The following PDHX variants were observed in gnomAD, a reference collection of about 807,000 sequenced individuals.
PDHX encodes pyruvate dehydrogenase complex component X, also known as pyruvate dehydrogenase protein X component, mitochondrial.
Under a neutral mutation model 55.3 loss-of-function variants are expected in PDHX, and 33 were observed. The observed-to-expected ratio is 0.60, with a 90% CI of 0.45 to 0.80. The LOEUF (loss-of-function observed/expected upper bound fraction) is 0.80. Ranked by LOEUF, PDHX falls within the 30% of genes least tolerant of loss-of-function variation. The pLI, the probability that PDHX is intolerant of heterozygous loss-of-function variation, is 0.00. For missense variants in PDHX, 622 were observed against 619.9 expected, an observed-to-expected ratio of 1.00 and a Z score of -0.04; for synonymous variants, 226 against 219.4, an observed-to-expected ratio of 1.03 and a Z score of -0.27.
intron 4 of PDHX, 133 bp from the exon 5 acceptor site, chr11:34,960,287 C>A: frequency 1.6e-6 from 1 of 640,146 alleles, no homozygotes; most frequent in Non-Finnish European, 2.9e-6. Context: ...TTGACTGTGA[C>A]CATCTGTGGG....
rs367612762 is a variant in PDHX at position 34,969,002 on chromosome 11, C to T, written c.817-1137C>T. Among the ~76,000 whole-genome samples, 6 of 152,162 alleles carry T rather than the reference C, an allele frequency of 3.9e-5. No homozygotes were observed. In the South Asian group the frequency reaches 1.0e-3, roughly 26 times the overall value. ...GATACACATTCAGTAGAAAGCAGTG[C>T]AGTATTTCCTTGCAATGCTGGGCAG... On this transcript the variant is annotated intron_variant, in intron 6 of 10. Coordinates refer to ENST00000227868, the MANE Select transcript of PDHX (RefSeq NM_003477.3).
intron 1 of PDHX, among the ~76,000 whole-genome samples, chr11:34,921,887 A>G (rs982902259): frequency 6.6e-6 from 1 of 152,190 alleles, no homozygotes; most frequent in Admixed American, 6.5e-5. Context: ...AGCTCTCACT[A>G]TATTTGCATT....
In PDHX at chr11:34,931,400, TC is replaced by T. The variant is rs748799187; in HGVS notation, c.161-3del. 1.3e-5 allele frequency: 20 copies of T among 1,558,380 alleles called. No homozygotes were observed. The highest frequency in any genetic ancestry group is 1.7e-5 in the Non-Finnish European group (19 of 1,130,528). On this transcript the variant is annotated splice_polypyrimidine_tract_variant and splice_region_variant and intron_variant, in intron 1 of 10. Coordinates refer to ENST00000227868, the MANE Select transcript of PDHX (RefSeq NM_003477.3). ...GGCTCATCTTTCCTTTTTTTCAATT[TC>T]AGGTGATCCCATTAAGATACTAATG...
intron 9 of PDHX, among the ~76,000 whole-genome samples, chr11:34,988,377 T>C (rs1855695096): frequency 1.3e-5 from 2 of 151,842 alleles, no homozygotes; most frequent in Admixed American, 1.3e-4. Context: ...AAAAGAGAGG[T>C]TAAATAATTT....
At chr11:34,930,164 A>G (rs1280484419) in intron 1 of PDHX, among the ~76,000 whole-genome samples, 1 of 152,150 alleles carries the variant, frequency 6.6e-6, no homozygotes, top group Non-Finnish European at 1.5e-5. Context: ...CTGATAGGAA[A>G]CTGCAGGTTG....
At chr11:34,966,520 T>C in intron 5 of PDHX, 120 bp from the exon 6 acceptor site, 1 of 944,116 alleles carries the variant, frequency 1.1e-6, no homozygotes, top group Non-Finnish European at 1.7e-6. Flanking sequence ...TGGTTTTTAA[T>C]TATAACCTTG....
chr11:34,930,675 G>A (rs371182447), intron 1 of PDHX, among the ~76,000 whole-genome samples: 5 of 152,104 alleles, frequency 3.3e-5, no homozygotes, highest in African/African-American at 1.2e-4. Flanking sequence ...AAGTGCAGCC[G>A]GACAAATACA....
chr11:34,963,951 GGTAA>G (rs1855075546), intron 5 of PDHX, among the ~76,000 whole-genome samples: 1 of 152,160 alleles, frequency 6.6e-6, no homozygotes, highest in African/African-American at 2.4e-5. Context: ...TCAAAAATTA[GGTAA>G]GTATGACAGG....
chr11:34,937,123 A>G (rs1163288073), intron 2 of PDHX, among the ~76,000 whole-genome samples: 1 of 152,100 alleles, frequency 6.6e-6, no homozygotes, highest in Non-Finnish European at 1.5e-5. Context: ...CCCTATTAGT[A>G]GCATTGCGTT....
At position 34,919,227 on chromosome 11, in the gene PDHX, G is replaced by C. The variant is rs185226862; in HGVS notation, c.160+2412G>C. On this transcript the variant is annotated intron_variant, in intron 1 of 10. Coordinates refer to ENST00000227868, the MANE Select transcript of PDHX (RefSeq NM_003477.3). ...GACTTTCACCTACATACAGATTTTT[G>C]TTTTGCCATGCCGAAAACACGTGGC... Among the ~76,000 whole-genome samples the C allele has an allele frequency of 2.5e-4, 38 of 152,200 alleles. 1 individual carries two copies. The highest frequency in any genetic ancestry group is 8.4e-4 in the African/African-American group (35 of 41,524).
At chr11:34,930,060 G>C (rs1422747367) in intron 1 of PDHX, among the ~76,000 whole-genome samples, 2 of 152,222 alleles carry the variant, frequency 1.3e-5, no homozygotes, top group African/African-American at 4.8e-5. Context: ...CCTCATACCT[G>C]GTGGGCCCTG....
chr11:34,917,330 C>T (rs1407499733), intron 1 of PDHX, among the ~76,000 whole-genome samples: 1 of 152,172 alleles, frequency 6.6e-6, no homozygotes, highest in African/African-American at 2.4e-5. Flanking sequence ...ATTCCTACGG[C>T]ATCACGATAG....
At chr11:34,923,753 G>A (rs1022780931) in intron 1 of PDHX, among the ~76,000 whole-genome samples, 2 of 152,112 alleles carry the variant, frequency 1.3e-5, no homozygotes, top group Admixed American at 1.3e-4. Context: ...TTTTGAGGTC[G>A]AGAATCTGGT....
At chr11:34,958,889 A>AT (rs900516328) in intron 4 of PDHX, among the ~76,000 whole-genome samples, 1 of 151,598 alleles carries the variant, frequency 6.6e-6, no homozygotes, top group Non-Finnish European at 1.5e-5. Context: ...TGAAAAAAAA[A>AT]TTTTTTTTTG....
chr11:34,944,790 G>C (rs745952948), intron 2 of PDHX, among the ~76,000 whole-genome samples: 1 of 151,890 alleles, frequency 6.6e-6, no homozygotes, highest in Non-Finnish European at 1.5e-5. Context: ...TTCTGTTTTT[G>C]TGTTAGGGCT....
intron 9 of PDHX, among the ~76,000 whole-genome samples, chr11:34,991,615 AAC>A (rs900987347): frequency 5.3e-5 from 8 of 152,242 alleles, no homozygotes; most frequent in Admixed American, 5.2e-4. Context: ...ATTTATTTAA[AAC>A]ACACAGATTG....
At chr11:34,959,935 C>A (rs1854988427) in intron 4 of PDHX, among the ~76,000 whole-genome samples, 1 of 152,080 alleles carries the variant, frequency 6.6e-6, no homozygotes, top group East Asian at 1.9e-4. Flanking sequence ...TACAGAGTTT[C>A]AATTTGGAAA....
rs1184523168 is a variant in PDHX at position 34,978,201 on chromosome 11, A to G, written c.1023+19A>G. Reference sequence around the variant, plus strand: ...CCTTAAAGTAAGTAGCAGACTTCAAATGATTTTGTCTTCTTAAGTAGTTTC... The same window carrying G: ...CCTTAAAGTAAGTAGCAGACTTCAAGTGATTTTGTCTTCTTAAGTAGTTTC... On this transcript the variant is annotated intron_variant, in intron 8 of 10. Coordinates refer to ENST00000227868, the MANE Select transcript of PDHX (RefSeq NM_003477.3). The G allele has an allele frequency of 7.1e-7, 1 of 1,406,208 alleles. No individual in the cohort carries two copies. The highest frequency in any genetic ancestry group is 1.0e-6 in the Non-Finnish European group (1 of 989,112). 87.1% of individuals were successfully genotyped at this position (1,406,208 alleles called of 1,614,324 possible). A position where few individuals can be genotyped will look rare whatever the true frequency, so the allele number is the denominator to read the frequency against.
intron 3 of PDHX, among the ~76,000 whole-genome samples, chr11:34,951,570 G>A (rs1854769842): frequency 6.6e-6 from 1 of 151,900 alleles, no homozygotes; most frequent in Non-Finnish European, 1.5e-5. Flanking sequence ...AAATTTGTTT[G>A]AGTTCATTGT....
Sources: allele counts gnomAD v4.1 joint callset (sites outside exome capture counted in the v4.1 genomes callset), GRCh38; gene constraint gnomAD v4.1.1; transcripts MANE v1.5; gene names NCBI Gene and HGNC (gene_info 2026-07-23, HGNC 2026-07-21).